The following ST8SIA6 variants were observed in gnomAD, a reference collection of about 807,000 sequenced individuals.
ST8SIA6 encodes the protein alpha-2,8-sialyltransferase 8F.
Under a neutral mutation model 33.6 loss-of-function variants are expected in ST8SIA6, and 39 were observed. The ratio of observed to expected loss-of-function variants is 1.16; its 90% CI spans 0.90 to 1.52. The LOEUF (loss-of-function observed/expected upper bound fraction) is 1.52, where lower values mean the gene tolerates loss of function less well. ST8SIA6 is among the 40% of genes most tolerant of loss of function. The probability of loss-of-function intolerance (pLI) is 0.00; values close to 1 mark genes in which losing one functional copy is unlikely to be tolerated. For synonymous variants in ST8SIA6, 172 were observed against 167.2 expected (o/e 1.03, Z -0.22); for missense variants, 441 against 443.8 (o/e 0.99, Z 0.06).
intron 4 of ST8SIA6, among the ~76,000 whole-genome samples, chr10:17,333,694 T>G (rs1255961229): frequency 0.044 from 1,125 of 25,682 alleles, 76 homozygotes; most frequent in Non-Finnish European, 0.051. Context: ...TATATATATA[T>G]ATATATATAT....
intron 3 of ST8SIA6, among the ~76,000 whole-genome samples, chr10:17,364,725 T>C (rs1023856960): frequency 6.6e-6 from 1 of 152,212 alleles, no homozygotes; most frequent in Admixed American, 6.5e-5. Flanking sequence ...ACATGTGTGC[T>C]CCAGCTGTGG....
chr10:17,338,917 A>T lies in ST8SIA6; in HGVS notation c.378-7365T>A, dbSNP rs1314826666. On this transcript the variant is annotated intron_variant, in intron 4 of 7. Coordinates refer to ENST00000377602, the MANE Select transcript of ST8SIA6 (RefSeq NM_001004470.3). ...TGCACCGAGTTCTAGAATTCAGGAGAGTTCATATACTTTGAAAAATGCTTA... is the reference window on the plus strand; with the variant it reads ...TGCACCGAGTTCTAGAATTCAGGAGTGTTCATATACTTTGAAAAATGCTTA... Among the ~76,000 whole-genome samples, 4 of 152,136 alleles carry T rather than the reference A, an allele frequency of 2.6e-5. No homozygotes were observed. In the East Asian group the frequency reaches 7.7e-4, roughly 29 times the overall value.
chr10:17,346,342 C>T (rs958197861), intron 4 of ST8SIA6, among the ~76,000 whole-genome samples: 1 of 152,204 alleles, frequency 6.6e-6, no homozygotes, highest in Non-Finnish European at 1.5e-5. Context: ...TGTGCTGGCT[C>T]ACATCTGTAA....
chr10:17,321,796 T>C (rs1473810007), intron 7 of ST8SIA6, among the ~76,000 whole-genome samples: 2 of 152,160 alleles, frequency 1.3e-5, no homozygotes, highest in Non-Finnish European at 2.9e-5. Context: ...TCATTATAAG[T>C]TTCCTTTAGA....
intron 4 of ST8SIA6, among the ~76,000 whole-genome samples, chr10:17,347,934 C>T (rs1331446203): frequency 1.8e-5 from 2 of 110,284 alleles, no homozygotes; most frequent in African/African-American, 7.4e-5. Flanking sequence ...CCAGCCTAGG[C>T]GATGGTGAGA....
intron 4 of ST8SIA6, among the ~76,000 whole-genome samples, chr10:17,355,710 C>T (rs2131613219): frequency 6.6e-6 from 1 of 152,306 alleles, no homozygotes; most frequent in African/African-American, 2.4e-5. Flanking sequence ...TTTGTAATTC[C>T]TTTGCTAGCA....
chr10:17,392,210 A>G (rs1850641895), intron 2 of ST8SIA6, among the ~76,000 whole-genome samples: 1 of 152,140 alleles, frequency 6.6e-6, no homozygotes, highest in Non-Finnish European at 1.5e-5. Context: ...AGAATTATGA[A>G]CCGTGATTGG....
chr10:17,376,730 A>G (rs1934164352), intron 3 of ST8SIA6, among the ~76,000 whole-genome samples: 1 of 152,192 alleles, frequency 6.6e-6, no homozygotes, highest in Non-Finnish European at 1.5e-5. Flanking sequence ...CAGTGATAAG[A>G]TGGCTATAAA....
chr10:17,371,789 A>AAAAAG (rs1849742159), intron 3 of ST8SIA6, among the ~76,000 whole-genome samples: 1 of 145,202 alleles, frequency 6.9e-6, no homozygotes, highest in Non-Finnish European at 1.5e-5. Context: ...CCATTAAAAA[A>AAAAAG]AAAAAAAAAA....
At chr10:17,434,747 AC>A (rs1260554363) in intron 2 of ST8SIA6, among the ~76,000 whole-genome samples, 1 of 151,240 alleles carries the variant, frequency 6.6e-6, no homozygotes, top group African/African-American at 2.5e-5. Flanking sequence ...ACACACACAC[AC>A]ACACACGGGA....
intron 2 of ST8SIA6, among the ~76,000 whole-genome samples, chr10:17,414,650 G>A (rs983495041): frequency 6.6e-6 from 1 of 152,200 alleles, no homozygotes; most frequent in Admixed American, 6.5e-5. Flanking sequence ...CTGCCTGCTG[G>A]CTGGGTCCTC....
chr10:17,387,890 C>T (rs1850440435), intron 3 of ST8SIA6, among the ~76,000 whole-genome samples: 1 of 152,192 alleles, frequency 6.6e-6, no homozygotes, highest in South Asian at 2.1e-4. Flanking sequence ...ATGAAATGCC[C>T]ACTGTATATC....
At chr10:17,322,671 G>C (rs556867782) in intron 7 of ST8SIA6, among the ~76,000 whole-genome samples, 13 of 152,198 alleles carry the variant, frequency 8.5e-5, no homozygotes, top group African/African-American at 2.6e-4. Flanking sequence ...CTTGATAACT[G>C]TATTTTGCCA....
At chr10:17,337,516 C>CT (rs775860273) in intron 4 of ST8SIA6, among the ~76,000 whole-genome samples, 3 of 152,136 alleles carry the variant, frequency 2.0e-5, no homozygotes, top group Non-Finnish European at 4.4e-5. Flanking sequence ...GAATTATAAT[C>CT]TAAGATGTCA....
At chr10:17,390,435 G>A in intron 3 of ST8SIA6, 96 bp downstream of exon 3, 1 of 1,059,162 alleles carries the variant, frequency 9.4e-7, no homozygotes, top group Non-Finnish European at 1.4e-6. Context: ...AGAGTGAACA[G>A]TCTCATATTC....
intron 2 of ST8SIA6, among the ~76,000 whole-genome samples, chr10:17,392,399 C>T (rs1850650229): frequency 6.6e-6 from 1 of 152,094 alleles, no homozygotes; most frequent in African/African-American, 2.4e-5. Context: ...CAGTGGCTCA[C>T]ACCTCTAGTC....
rs186830426 is a variant in ST8SIA6 at position 17,408,786 on chromosome 10, G to T, written c.201-18166C>A. ...TTTATTTTTTTTGAGACGGAGTTTCGCTCTTGTTACACAGGCTGGAGGGTG... is the reference window on the plus strand; with the variant it reads ...TTTATTTTTTTTGAGACGGAGTTTCTCTCTTGTTACACAGGCTGGAGGGTG... On this transcript the variant is annotated intron_variant, in intron 2 of 7. Transcript: ENST00000377602. 6.6e-5 allele frequency among the ~76,000 whole-genome samples: 10 copies of T among 151,516 alleles called. No individual in the cohort carries two copies. The East Asian group carries it at 1.9e-3, about 29-fold the overall frequency.
intron 1 of ST8SIA6, among the ~76,000 whole-genome samples, chr10:17,453,912 C>A (rs1853018757): frequency 2.6e-5 from 4 of 152,074 alleles, no homozygotes; most frequent in Admixed American, 6.5e-5. Flanking sequence ...CACAGCGATG[C>A]GCGCTAGAGC....
intron 2 of ST8SIA6, chr10:17,410,625 A>G (rs897508715): frequency 1.3e-5 from 2 of 152,194 alleles, no homozygotes; most frequent in Admixed American, 6.5e-5. Flanking sequence ...GAACAAATGA[A>G]TGAATGAATA....
Sources: gnomAD v4.1 joint callset for allele counts (sites outside exome capture counted in the v4.1 genomes callset) on GRCh38, gnomAD v4.1.1 for gene constraint, MANE v1.5 for transcripts, NCBI Gene and HGNC (gene_info 2026-07-23, HGNC 2026-07-21) for gene names.